Variants in OAF observed in about 807,000 individuals in gnomAD.
The protein encoded by OAF is out at first protein homolog.
OAF carries 13 observed loss-of-function variants against 22.5 expected under a neutral mutation model. That is an observed-to-expected ratio of 0.58 (90% CI 0.38 to 0.92). OAF has a LOEUF of 0.92. Among genes scored for constraint, OAF ranks in the 40% least tolerant of loss-of-function variants. The pLI, the probability that OAF is intolerant of heterozygous loss-of-function variation, is 0.00. For synonymous variants in OAF, 175 were observed against 170.5 expected (o/e 1.03, Z -0.21); for missense variants, 347 against 381.8 (o/e 0.91, Z 0.76).
At chr11:120,226,726 GCT>G in intron 2 of OAF, 88 bp from the exon 3 acceptor site, 2 of 1,263,360 alleles carry the variant, frequency 1.6e-6, no homozygotes, top group Non-Finnish European at 2.2e-6. Flanking sequence ...AAGGCAGTCA[GCT>G]TGGGCTCGCC....
intron 1 of OAF, among the ~76,000 whole-genome samples, chr11:120,215,967 T>C (rs1169141869): frequency 4.0e-5 from 6 of 151,620 alleles, no homozygotes; most frequent in Non-Finnish European, 8.8e-5. Context: ...TCCAAAAGTG[T>C]GGAAGGAGGG....
At chr11:120,228,826 CCCT>C (rs1420419986) in intron 3 of OAF, 39 bp from the exon 4 acceptor site, 6 of 426,022 alleles carry the variant, frequency 1.4e-5, no homozygotes, top group East Asian at 5.8e-5. Context: ...CTCCTTCCCT[CCCT>C]CCCTCCCTCC....
In OAF at chr11:120,225,727, C is replaced by T. The variant is rs1938348426; in HGVS notation, c.298C>T (p.Leu100Phe). 2 of 1,606,012 alleles carry T rather than the reference C, an allele frequency of 1.2e-6. No homozygotes were observed. The highest frequency in any genetic ancestry group is 1.7e-5 in the Admixed American group (1 of 59,016). The change falls in exon 2 of 4, where the codon CTC (leucine) becomes TTC (phenylalanine). Residue 100 changes from leucine (L) to phenylalanine (F), a missense_variant. By Grantham distance (22) the Leu-to-Phe change is conservative (BLOSUM62 0). Transcript: ENST00000328965. ...LEKGQSQFQA[L>F]CFVTQLQHNE... ...GAAGGGGCAGAGTCAGTTCCAGGCC[C>T]TCTGCTTTGTCACCCAGCTGCAGCA...
rs1339682926 is a variant in OAF at position 120,229,866 on chromosome 11, A to G, written c.*724A>G. 1 of 152,636 alleles carries G rather than the reference A, an allele frequency of 6.6e-6. No individual in the cohort carries two copies. Among genetic ancestry groups the G allele is most frequent in the Admixed American group, 6.5e-5 (1 of 15,286 alleles). 9.5% of individuals were successfully genotyped at this position (152,636 alleles called of 1,614,324 possible). A position where few individuals can be genotyped will look rare whatever the true frequency, so the allele number is the denominator to read the frequency against. On this transcript the variant is annotated 3_prime_UTR_variant, in exon 4 of 4. Coordinates refer to ENST00000328965, the MANE Select transcript of OAF (RefSeq NM_178507.4). Reference sequence around the variant, plus strand: ...AGGGAGGGAGCATGAAGTACGAGGAAAACTTGAATTCCAGATTTTTAGTGC... The same window carrying G: ...AGGGAGGGAGCATGAAGTACGAGGAGAACTTGAATTCCAGATTTTTAGTGC...
intron 1 of OAF, among the ~76,000 whole-genome samples, chr11:120,218,934 C>G (rs1205240840): frequency 6.6e-6 from 1 of 152,128 alleles, no homozygotes; most frequent in Non-Finnish European, 1.5e-5. Flanking sequence ...CAGGCTGGAG[C>G]AAGGTGATGA....
rs372887924 is a variant in OAF, at chr11:120,228,916, C to T, written c.596C>T (p.Ala199Val). 19 of 1,599,752 alleles carry T rather than the reference C, an allele frequency of 1.2e-5. No homozygotes were observed. The highest frequency in any genetic ancestry group is 3.3e-4 in the Middle Eastern group (2 of 5,992). The change falls in exon 4 of 4, where the codon GCG (alanine) becomes GTG (valine). Residue 199 changes from alanine to valine, a missense_variant. Transcript: ENST00000328965. ...GCTCTGCCCAAGGCCTCAGAGCAGGCGGAGCTGCCTCGCTGCAGGCAGGTG... is the reference window on the plus strand; with the variant it reads ...GCTCTGCCCAAGGCCTCAGAGCAGGTGGAGCTGCCTCGCTGCAGGCAGGTG... ...FEALPKASEQ[A>V]ELPRCRQVGD...
chr11:120,220,715 C>T (rs1248392441), intron 1 of OAF, among the ~76,000 whole-genome samples: 1 of 152,160 alleles, frequency 6.6e-6, no homozygotes, highest in Non-Finnish European at 1.5e-5. Context: ...ACAGGGCATC[C>T]CGGCAGAAGA....
chr11:120,211,881 T>G (rs1415474152), intron 1 of OAF, among the ~76,000 whole-genome samples: 2 of 148,794 alleles, frequency 1.3e-5, no homozygotes, highest in Admixed American at 6.7e-5. Context: ...GTTCTCCCTG[T>G]GTGATCTAGA....
rs534459894 is a variant in OAF, at chr11:120,224,581, G to A, written c.232-1080G>A. Among the ~76,000 whole-genome samples the A allele has an allele frequency of 4.0e-4, 61 of 152,284 alleles. 1 individual carries two copies. In the South Asian group the frequency reaches 5.2e-3, roughly 13 times the overall value. On this transcript the variant is annotated intron_variant, in intron 1 of 3. Coordinates refer to ENST00000328965, the MANE Select transcript of OAF (RefSeq NM_178507.4). ...CTGTTGCTGAGACACTTCTGTTCTC[G>A]CGGGTGTACAGCAAGTACTCAGTGA... is the stretch of plus-strand genomic sequence containing the variant.
chr11:120,213,589 G>C (rs1938177290), intron 1 of OAF: 1 of 152,326 alleles, frequency 6.6e-6, no homozygotes, highest in Non-Finnish European at 1.5e-5. Flanking sequence ...GAGTTGGAGA[G>C]TGCAGTGTGG....
At chr11:120,224,200 A>G (rs1938322262) in intron 1 of OAF, among the ~76,000 whole-genome samples, 1 of 152,188 alleles carries the variant, frequency 6.6e-6, no homozygotes. Flanking sequence ...TCCATACCTC[A>G]TCGTTCCAGA....
chr11:120,228,912 C>T lies in OAF; in HGVS notation c.592C>T (p.Gln198Ter). 1 of 1,584,364 alleles carries T rather than the reference C, an allele frequency of 6.3e-7. No homozygotes were observed. The highest frequency in any genetic ancestry group is 8.6e-7 in the Non-Finnish European group (1 of 1,163,680). Residue 198 changes from glutamine to a stop codon, truncating the protein, a stop_gained, in exon 4 of 4, where the codon CAG becomes TAG. Coordinates refer to ENST00000328965, the MANE Select transcript of OAF (RefSeq NM_178507.4). LOFTEE classifies it high-confidence loss of function. Reference protein sequence around the residue: ...VFEALPKASEQAELPRCRQVG... With the variant: ...VFEALPKASE ...CGAGGCTCTGCCCAAGGCCTCAGAG[C>T]AGGCGGAGCTGCCTCGCTGCAGGCA... is the stretch of plus-strand genomic sequence containing the variant.
Position 120,211,291 on chromosome 11 carries a change from C to G in OAF, c.12C>G (p.Pro4=). 2 of 1,253,762 alleles carry G rather than the reference C, an allele frequency of 1.6e-6. No homozygotes were observed. The highest frequency in any genetic ancestry group is 6.2e-4 in the Middle Eastern group (2 of 3,234). 77.7% of individuals were successfully genotyped at this position (1,253,762 alleles called of 1,614,324 possible). A position where few individuals can be genotyped will look rare whatever the true frequency, so the allele number is the denominator to read the frequency against. ...AGCGGCCCCCGGGGATGCGCCTTCC[C>G]GGGGTACCCCTGGCGCGCCCTGCGC... MRL[P]GVPLARPALL... is the part of the protein sequence containing the mutation. Residue 4 remains proline, a synonymous_variant, in exon 1 of 4, where the codon CCC becomes CCG. Transcript: ENST00000328965.
At chr11:120,228,740 T>G in intron 3 of OAF, 128 bp from the exon 4 acceptor site, 1 of 693,214 alleles carries the variant, frequency 1.4e-6, no homozygotes, top group Non-Finnish European at 2.4e-6. Context: ...AGCTTGGAAA[T>G]GGAGGTGTCT....
intron 1 of OAF, among the ~76,000 whole-genome samples, chr11:120,219,163 G>A (rs1003633829): frequency 5.9e-5 from 9 of 151,960 alleles, no homozygotes; most frequent in Non-Finnish European, 1.0e-4. Flanking sequence ...AGACGGTGGG[G>A]AGCCGCCTCT....
At chr11:120,223,483 T>C (rs76776957) in intron 1 of OAF, among the ~76,000 whole-genome samples, 3,942 of 152,322 alleles carry the variant, frequency 0.026, 72 homozygotes, top group South Asian at 0.072. Context: ...CCTATACAAA[T>C]AGGAGATACA....
intron 1 of OAF, among the ~76,000 whole-genome samples, chr11:120,216,232 A>G (rs557973854): frequency 6.6e-6 from 1 of 152,316 alleles, no homozygotes; most frequent in South Asian, 2.1e-4. Context: ...AGGTGCAGTC[A>G]GTAAAGATGT....
At chr11:120,217,990 C>T (rs546502580) in intron 1 of OAF, among the ~76,000 whole-genome samples, 7 of 152,272 alleles carry the variant, frequency 4.6e-5, no homozygotes, top group Non-Finnish European at 4.4e-5. Flanking sequence ...GCTGGGAGTG[C>T]GGGTGAGAGG....
intron 1 of OAF, among the ~76,000 whole-genome samples, chr11:120,222,982 C>G (rs914550870): frequency 1.3e-5 from 2 of 152,166 alleles, no homozygotes; most frequent in African/African-American, 2.4e-5. Flanking sequence ...GAAGGGTATT[C>G]CTGCCTCCTC....
Sources: gnomAD v4.1 joint callset for allele counts (sites outside exome capture counted in the v4.1 genomes callset) on GRCh38, gnomAD v4.1.1 for gene constraint, MANE v1.5 for transcripts, NCBI Gene and HGNC (gene_info 2026-07-23, HGNC 2026-07-21) for gene names.